The following MICAL3 variants were observed in gnomAD, a reference collection of about 807,000 sequenced individuals.
MICAL3 encodes the protein microtubule associated monooxygenase, calponin and LIM domain containing 3.
A neutral mutation model predicts 207.4 loss-of-function variants in MICAL3; 62 were observed. The observed-to-expected ratio is 0.30, with a 90% CI of 0.24 to 0.37. The LOEUF (loss-of-function observed/expected upper bound fraction) is 0.37. Ranked by LOEUF, MICAL3 falls within the 10% of genes least tolerant of loss-of-function variation. MICAL3 has a pLI of 1.00. For synonymous variants in MICAL3, 1,077 were observed against 1,069.3 expected, an observed-to-expected ratio of 1.01 and a Z score of -0.14; for missense variants, 2,368 against 2,635.6, an observed-to-expected ratio of 0.90 and a Z score of 2.22.
intron 1 of MICAL3, among the ~76,000 whole-genome samples, chr22:18,016,939 C>CA (rs369867729): frequency 0.038 from 5,131 of 133,520 alleles, 111 homozygotes; most frequent in Non-Finnish European, 0.051. Context: ...GACTCTGTCT[C>CA]AAAAAAAAAA....
Position 17,925,921 on chromosome 22 carries a change from G to A in MICAL3, c.-74-19035C>T, listed in dbSNP as rs562887272. 3.9e-5 allele frequency among the ~76,000 whole-genome samples: 6 copies of A among 152,262 alleles called. No homozygotes were observed. The East Asian group carries it at 9.6e-4, about 24-fold the overall frequency. The stretch of plus-strand genomic sequence containing the variant: ...AAAATACTGTACAAAATGACAGGCT[G>A]TGAGTCCCAAACCCAAACATTTTCT... On this transcript the variant is annotated intron_variant, in intron 1 of 31. Coordinates refer to ENST00000441493, the MANE Select transcript of MICAL3 (RefSeq NM_015241.3).
intron 1 of MICAL3, among the ~76,000 whole-genome samples, chr22:17,938,512 G>A (rs1334503283): frequency 6.6e-6 from 1 of 152,172 alleles, no homozygotes; most frequent in Non-Finnish European, 1.5e-5. Flanking sequence ...ACGAACGGAG[G>A]AGGCTGTATT....
At chr22:17,892,224 G>A (rs1432295876) in intron 11 of MICAL3, among the ~76,000 whole-genome samples, 1 of 152,148 alleles carries the variant, frequency 6.6e-6, no homozygotes, top group Non-Finnish European at 1.5e-5. Flanking sequence ...TTGGCACCTT[G>A]TACTATGAAT....
Position 17,896,329 on chromosome 22 carries a change from C to G in MICAL3, c.1239G>C (p.Arg413=), listed in dbSNP as rs1490754730. The change falls in exon 9 of 32, where the codon CGG becomes CGC. Residue 413 remains arginine, a synonymous_variant. Transcript: ENST00000441493. ...CAGAGTCCATAGCAGCTAGAAAGCC[C>G]CGGGCTATTCCTGTTCCCATTGGCC... ...PFWPMGTGIA[R]GFLAAMDSAW... 5 of 1,558,240 alleles carry G rather than the reference C, an allele frequency of 3.2e-6. No individual in the cohort carries two copies. Among genetic ancestry groups the G allele is most frequent in the Non-Finnish European group, 4.3e-6 (5 of 1,150,530 alleles).
chr22:17,936,083 C>G (rs1259716434), intron 1 of MICAL3, among the ~76,000 whole-genome samples: 1 of 152,144 alleles, frequency 6.6e-6, no homozygotes, highest in Non-Finnish European at 1.5e-5. Context: ...TGGGTATATA[C>G]CCAAAAGATT....
At chr22:18,019,806 A>ATTTTTT (rs34107345) in intron 1 of MICAL3, 1,701 of 77,870 alleles carry the variant, frequency 0.022, 343 homozygotes, top group African/African-American at 0.088. Flanking sequence ...AATGCTGCTG[A>ATTTTTT]TTTTTTTTTT....
chr22:17,830,715 C>T (rs1259718217), intron 21 of MICAL3, among the ~76,000 whole-genome samples: 1 of 152,220 alleles, frequency 6.6e-6, no homozygotes, highest in Non-Finnish European at 1.5e-5. Context: ...TCACTAAGGG[C>T]TGCCTGTGGG....
Position 17,810,278 on chromosome 22 carries a change from T to G in MICAL3, c.5556+425A>C, listed in dbSNP as rs540174901. Among the ~76,000 whole-genome samples the G allele has an allele frequency of 3.3e-5, 5 of 152,182 alleles. No homozygotes were observed. In the South Asian group the frequency reaches 1.0e-3, roughly 32 times the overall value. On this transcript the variant is annotated intron_variant, in intron 28 of 31. Transcript: ENST00000441493. ...GGGGGTTTCACCGTGTTAGCCAGGA[T>G]GGTCTCAATCTCCTGACCTTGTGAT... is the stretch of plus-strand genomic sequence containing the variant.
chr22:17,834,330 G>A (rs1166963653), intron 20 of MICAL3: 3 of 1,199,314 alleles, frequency 2.5e-6, no homozygotes, highest in African/African-American at 1.6e-5. Context: ...AGCTTCACTT[G>A]TTCATTTACC....
At chr22:17,868,998 G>T (rs913033991) in intron 17 of MICAL3, among the ~76,000 whole-genome samples, 8 of 152,312 alleles carry the variant, frequency 5.3e-5, no homozygotes, top group Middle Eastern at 3.4e-3. Context: ...CCCTCTCTGA[G>T]GAGCGCCACA....
chr22:17,926,489 G>A (rs1932930588), intron 1 of MICAL3, among the ~76,000 whole-genome samples: 1 of 152,192 alleles, frequency 6.6e-6, no homozygotes, highest in African/African-American at 2.4e-5. Context: ...TTTTGTTCTA[G>A]CACCATCTTT....
intron 1 of MICAL3, among the ~76,000 whole-genome samples, chr22:18,023,006 C>A (rs767979102): frequency 6.6e-6 from 1 of 152,186 alleles, no homozygotes; most frequent in Non-Finnish European, 1.5e-5. Flanking sequence ...CTTGGAGCAG[C>A]CCAAGGCCCT....
At chr22:17,936,854 T>G (rs992439039) in intron 1 of MICAL3, among the ~76,000 whole-genome samples, 3 of 152,166 alleles carry the variant, frequency 2.0e-5, no homozygotes, top group Non-Finnish European at 4.4e-5. Flanking sequence ...CTGAGTAACT[T>G]AAAGCAGAGG....
chr22:17,930,697 G>A (rs1403048570), intron 1 of MICAL3, among the ~76,000 whole-genome samples: 1 of 152,230 alleles, frequency 6.6e-6, no homozygotes, highest in East Asian at 1.9e-4. Context: ...TGTCAACTTG[G>A]TTAAGCTGGG....
At chr22:17,945,829 G>A (rs1005977468) in intron 1 of MICAL3, among the ~76,000 whole-genome samples, 8 of 152,270 alleles carry the variant, frequency 5.3e-5, no homozygotes, top group African/African-American at 1.7e-4. Context: ...TTAGCAGGAA[G>A]ACTGAGACAA....
chr22:18,005,882 A>C (rs1463401703), intron 1 of MICAL3: 1 of 152,148 alleles, frequency 6.6e-6, no homozygotes, highest in Non-Finnish European at 1.5e-5. Flanking sequence ...GGCTGGGCTC[A>C]TTATTTCTTC....
intron 10 of MICAL3, among the ~76,000 whole-genome samples, 168 bp downstream of exon 10, chr22:17,895,116 G>A (rs1281239107): frequency 6.6e-6 from 1 of 152,186 alleles, no homozygotes; most frequent in Non-Finnish European, 1.5e-5. Flanking sequence ...TCAATCTGTT[G>A]ATGGAAAATG....
intron 1 of MICAL3, among the ~76,000 whole-genome samples, chr22:17,938,096 T>G (rs370046001): frequency 1.3e-5 from 2 of 152,192 alleles, no homozygotes; most frequent in South Asian, 2.1e-4. Context: ...ACTGGGCACT[T>G]CACAGAAATA....
intron 20 of MICAL3, among the ~76,000 whole-genome samples, chr22:17,836,259 G>A (rs1923353039): frequency 3.3e-5 from 5 of 152,208 alleles, no homozygotes; most frequent in Non-Finnish European, 5.9e-5. Flanking sequence ...AGTGATTGAC[G>A]GAGGGCAGCC....
Sources: gnomAD v4.1 joint callset for allele counts (sites outside exome capture counted in the v4.1 genomes callset) on GRCh38, gnomAD v4.1.1 for gene constraint, MANE v1.5 for transcripts, NCBI Gene and HGNC (gene_info 2026-07-23, HGNC 2026-07-21) for gene names.